Variants in DENND1B observed in about 807,000 individuals in gnomAD.
The protein encoded by DENND1B is DENN domain containing 1B.
Under a neutral mutation model 90.1 loss-of-function variants are expected in DENND1B, and 59 were observed. The observed-to-expected ratio is 0.65, with a 90% CI of 0.53 to 0.81. The LOEUF (loss-of-function observed/expected upper bound fraction) is 0.81, where lower values mean the gene tolerates loss of function less well. DENND1B is among the 40% of genes least tolerant of loss of function. The pLI is 0.00. For synonymous variants in DENND1B, 337 were observed against 324.6 expected (o/e 1.04, Z -0.41); for missense variants, 862 against 912.6 (o/e 0.94, Z 0.71).
intron 13 of DENND1B, among the ~76,000 whole-genome samples, chr1:197,598,772 A>G (rs1482977327): frequency 1.3e-5 from 2 of 151,832 alleles, no homozygotes. Flanking sequence ...AGCTAGCCTC[A>G]ACCTCCAATG....
At chr1:197,761,923 A>G (rs1655101429) in intron 2 of DENND1B, 1 of 151,748 alleles carries the variant, frequency 6.6e-6, no homozygotes, top group Non-Finnish European at 1.5e-5. Context: ...AAAAAAAAAA[A>G]GTTTTTTTTA....
At chr1:197,668,544 CTTTCT>C (rs1558380038) in intron 5 of DENND1B, among the ~76,000 whole-genome samples, 2 of 151,628 alleles carry the variant, frequency 1.3e-5, no homozygotes, top group African/African-American at 2.4e-5. Context: ...ATTGCGTATA[CTTTCT>C]TTTCAAGTAT....
chr1:197,545,850 T>G (rs1670774364), intron 18 of DENND1B, 72 bp downstream of exon 18: 3 of 1,273,868 alleles, frequency 2.4e-6, no homozygotes, highest in Admixed American at 4.8e-5. Context: ...TATTCAGAAT[T>G]TATATGTCTA....
At chr1:197,780,208 G>A (rs1464966560), upstream of DENND1B, among the ~76,000 whole-genome samples, 2 of 151,946 alleles carry the variant, frequency 1.3e-5, no homozygotes, top group Non-Finnish European at 2.9e-5. Context: ...AGAGTATCCT[G>A]TTGGATTTCC....
chr1:197,775,122 C>T lies in DENND1B; in HGVS notation c.17+17G>A, dbSNP rs993366161. 13 of 1,278,930 alleles carry T rather than the reference C, an allele frequency of 1.0e-5. No individual in the cohort carries two copies. Among genetic ancestry groups the T allele is most frequent in the African/African-American group, 3.1e-5 (2 of 64,482 alleles). 79.2% of individuals were successfully genotyped at this position (1,278,930 alleles called of 1,614,324 possible). ...GAGGGACGCCCGCCCCCGACGCGCCCGGGCCCCCCCACTCACTTGGTCCTG... is the reference window on the plus strand; with the variant it reads ...GAGGGACGCCCGCCCCCGACGCGCCTGGGCCCCCCCACTCACTTGGTCCTG... On this transcript the variant is annotated intron_variant, in intron 1 of 22. Transcript: ENST00000620048.
At chr1:197,540,534 G>A (rs1350570983) in intron 19 of DENND1B, among the ~76,000 whole-genome samples, 1 of 151,956 alleles carries the variant, frequency 6.6e-6, no homozygotes, top group African/African-American at 2.4e-5. Context: ...ATAATATTTT[G>A]TAAATTAAGA....
chr1:197,644,815 A>G (rs1352164090), intron 9 of DENND1B, among the ~76,000 whole-genome samples: 2 of 152,210 alleles, frequency 1.3e-5, no homozygotes, highest in Non-Finnish European at 2.9e-5. Context: ...AACACTCAGT[A>G]GGTTTGAAAA....
rs140968058 is a variant in DENND1B, at chr1:197,757,595, G to T, written c.82+15273C>A. 2.1e-3 allele frequency among the ~76,000 whole-genome samples: 316 copies of T among 152,208 alleles called. 2 individuals carry two copies. The highest frequency in any genetic ancestry group is 7.2e-3 in the African/African-American group (300 of 41,536). On this transcript the variant is annotated intron_variant, in intron 2 of 22. Coordinates refer to ENST00000620048, the MANE Select transcript of DENND1B (RefSeq NM_001195215.2). ...CTACAGAAGGGTCTTACATAAATTT[G>T]TCTGACAAAATATAAACTTCATCAA...
At chr1:197,608,160 G>T (rs1676861697) in intron 12 of DENND1B, among the ~76,000 whole-genome samples, 1 of 150,380 alleles carries the variant, frequency 6.6e-6, no homozygotes, top group African/African-American at 2.4e-5. Context: ...TTTTAAATTG[G>T]CCAAACTGGT....
intron 10 of DENND1B, among the ~76,000 whole-genome samples, chr1:197,622,520 T>G (rs769827753): frequency 6.6e-6 from 1 of 151,480 alleles, no homozygotes; most frequent in Admixed American, 6.6e-5. Context: ...TTTATACTAA[T>G]TGTATAATAG....
At position 197,667,408 on chromosome 1, in the gene DENND1B, T is replaced by C. The variant is rs1020162068; in HGVS notation, c.296+4629A>G. 5.9e-5 allele frequency among the ~76,000 whole-genome samples: 9 copies of C among 152,012 alleles called. 1 individual carries two copies. The highest frequency in any genetic ancestry group is 5.2e-4 in the Admixed American group (8 of 15,258). On this transcript the variant is annotated intron_variant, in intron 5 of 22. Transcript: ENST00000620048. ...AAGGACACGGAATGAAACTGTCCCA[T>C]TCCCATTCTTTTTATTTTTATTTAT...
At chr1:197,728,313 T>C (rs138031317) in intron 2 of DENND1B, among the ~76,000 whole-genome samples, 1 of 152,328 alleles carries the variant, frequency 6.6e-6, no homozygotes, top group East Asian at 1.9e-4. Flanking sequence ...TTTTCAAGTT[T>C]CAAATATTGT....
intron 18 of DENND1B, among the ~76,000 whole-genome samples, chr1:197,542,941 A>ATTT (rs1553280761): frequency 6.6e-6 from 1 of 151,016 alleles, no homozygotes; most frequent in Admixed American, 6.6e-5. Context: ...TTATTTATTT[A>ATTT]TTTTTTTCCC....
chr1:197,696,733 A>C (rs1438418080), intron 3 of DENND1B, among the ~76,000 whole-genome samples: 1 of 151,402 alleles, frequency 6.6e-6, no homozygotes, highest in African/African-American at 2.4e-5. Context: ...AGTTTATTCA[A>C]CTTCCTCTGA....
At chr1:197,584,680 G>A (rs1674539285) in intron 14 of DENND1B, among the ~76,000 whole-genome samples, 1 of 152,018 alleles carries the variant, frequency 6.6e-6, no homozygotes, top group Non-Finnish European at 1.5e-5. Flanking sequence ...TTTTTTCAGA[G>A]GGGAGGGGTT....
chr1:197,630,391 G>A (rs768033353), intron 10 of DENND1B, among the ~76,000 whole-genome samples: 56 of 152,098 alleles, frequency 3.7e-4, no homozygotes, highest in Non-Finnish European at 2.1e-4. Flanking sequence ...CACGGCAGGA[G>A]GGACTGAACA....
intron 20 of DENND1B, among the ~76,000 whole-genome samples, chr1:197,523,894 A>G (rs139880118): frequency 2.6e-5 from 4 of 152,258 alleles, no homozygotes; most frequent in African/African-American, 7.2e-5. Flanking sequence ...AAGCAAGAAA[A>G]ATAAAGATGG....
chr1:197,641,524 T>C (rs1017243221), intron 10 of DENND1B, among the ~76,000 whole-genome samples: 4 of 152,198 alleles, frequency 2.6e-5, no homozygotes, highest in Non-Finnish European at 5.9e-5. Context: ...TTTTTCAATA[T>C]GTAAAGTGCA....
Position 197,564,213 on chromosome 1 carries a change from G to A in DENND1B, c.1150-11101C>T, listed in dbSNP as rs11806221. On this transcript the variant is annotated intron_variant, in intron 15 of 22. Transcript: ENST00000620048. ...CAATTTTGAAAGAAGTTCTACTGTG[G>A]ATAAAATGCTATCAAATAGCACCAT... Among the ~76,000 whole-genome samples the A allele has an allele frequency of 5.9e-3, 895 of 151,770 alleles. 13 individuals are homozygous for A. Among genetic ancestry groups the A allele is most frequent in the African/African-American group, 0.02 (837 of 41,434 alleles).
Sources: allele counts gnomAD v4.1 joint callset (sites outside exome capture counted in the v4.1 genomes callset), GRCh38; gene constraint gnomAD v4.1.1; transcripts MANE v1.5; gene names NCBI Gene and HGNC (gene_info 2026-07-23, HGNC 2026-07-21).